FUT9: variants seen among roughly 807,000 people sequenced by gnomAD.
The protein encoded by FUT9 is fucosyltransferase 9.
Under a neutral mutation model 29.7 loss-of-function variants are expected in FUT9, and 15 were observed. The ratio of observed to expected loss-of-function variants is 0.51; its 90% CI spans 0.34 to 0.78. The LOEUF (loss-of-function observed/expected upper bound fraction) is 0.78. FUT9 is among the 30% of genes least tolerant of loss of function. The pLI is 0.01. For missense variants in FUT9, 319 were observed against 425.4 expected, an observed-to-expected ratio of 0.75 and a Z score of 2.20; for synonymous variants, 169 against 153.7, an observed-to-expected ratio of 1.10 and a Z score of -0.74.
intron 1 of FUT9, among the ~76,000 whole-genome samples, chr6:96,113,273 C>G (rs938153747): frequency 6.6e-5 from 10 of 151,978 alleles, no homozygotes; most frequent in African/African-American, 2.4e-4. Context: ...GAGTCTTGCT[C>G]TGTCACTGAG....
At chr6:96,201,611 C>T (rs1582306962) in intron 2 of FUT9, among the ~76,000 whole-genome samples, 1 of 151,922 alleles carries the variant, frequency 6.6e-6, no homozygotes, top group Admixed American at 6.6e-5. Context: ...CTTGTAGAAC[C>T]TTCAGTGTCA....
intron 2 of FUT9, among the ~76,000 whole-genome samples, chr6:96,178,664 T>G (rs765278674): frequency 9.9e-5 from 15 of 152,196 alleles, no homozygotes; most frequent in Non-Finnish European, 1.5e-4. Flanking sequence ...AGGCTTTGAA[T>G]AATCCATCAT....
intron 1 of FUT9, among the ~76,000 whole-genome samples, chr6:96,072,505 A>C (rs1206964787): frequency 2.6e-5 from 4 of 152,122 alleles, no homozygotes; most frequent in African/African-American, 9.7e-5. Flanking sequence ...AAAACAAAAC[A>C]AGGGAGAGGA....
chr6:96,174,816 T>G (rs1415634763), intron 2 of FUT9, among the ~76,000 whole-genome samples: 1 of 152,112 alleles, frequency 6.6e-6, no homozygotes, highest in African/African-American at 2.4e-5. Flanking sequence ...ACTCAAAGAC[T>G]TTTTCAATAC....
intron 1 of FUT9, among the ~76,000 whole-genome samples, chr6:96,107,389 T>C (rs1343642136): frequency 6.6e-6 from 1 of 152,180 alleles, no homozygotes; most frequent in Non-Finnish European, 1.5e-5. Context: ...TACGATATAC[T>C]GTCTCTCTAT....
At chr6:96,109,584 G>T (rs563410221) in intron 1 of FUT9, among the ~76,000 whole-genome samples, 1 of 152,230 alleles carries the variant, frequency 6.6e-6, no homozygotes, top group Non-Finnish European at 1.5e-5. Flanking sequence ...CCATACTAAT[G>T]AATTGGATTT....
chr6:96,063,433 C>A (rs114698425), intron 1 of FUT9, among the ~76,000 whole-genome samples: 442 of 152,162 alleles, frequency 2.9e-3, no homozygotes, highest in African/African-American at 9.1e-3. Context: ...GGGGGGCACA[C>A]TTTACAACAA....
chr6:96,097,596 T>C (rs1370195314), intron 1 of FUT9, among the ~76,000 whole-genome samples: 1 of 145,910 alleles, frequency 6.9e-6, no homozygotes, highest in Non-Finnish European at 1.5e-5. Flanking sequence ...GTAAAAACTG[T>C]TGATCGATAA....
chr6:96,161,387 T>C (rs947686966), intron 2 of FUT9, among the ~76,000 whole-genome samples: 1 of 152,196 alleles, frequency 6.6e-6, no homozygotes, highest in Non-Finnish European at 1.5e-5. Context: ...ACCTTAATCT[T>C]GGACTTTCCA....
intron 2 of FUT9, among the ~76,000 whole-genome samples, chr6:96,191,819 C>A (rs748956741): frequency 4.6e-5 from 7 of 152,118 alleles, no homozygotes; most frequent in Non-Finnish European, 8.8e-5. Flanking sequence ...TACTGGCAAA[C>A]CGAATCCAGC....
At chr6:96,057,809 A>C (rs1770798188) in intron 1 of FUT9, among the ~76,000 whole-genome samples, 1 of 152,208 alleles carries the variant, frequency 6.6e-6, no homozygotes, top group African/African-American at 2.4e-5. Flanking sequence ...TTGATACCTA[A>C]ATGATATAAC....
rs541212024 is a variant in FUT9 at position 96,138,966 on chromosome 6, A to G, written c.-9+24839A>G. Among the ~76,000 whole-genome samples, 12 of 152,308 alleles carry G rather than the reference A, an allele frequency of 7.9e-5. No homozygotes were observed. In the South Asian group the frequency reaches 2.5e-3, roughly 32 times the overall value. On this transcript the variant is annotated intron_variant, in intron 2 of 2. Transcript: ENST00000302103. ...ATATCAACTACTTATTGATTGCCTTAAATACAGATAATGCAAATCTCAATT... is the reference window on the plus strand; with the variant it reads ...ATATCAACTACTTATTGATTGCCTTGAATACAGATAATGCAAATCTCAATT...
rs1484319047 is a variant in FUT9, at chr6:96,210,017, C to T, written c.*5782C>T. 6.0e-6 allele frequency: 1 copy of T among 166,794 alleles called. No homozygotes were observed. The highest frequency in any genetic ancestry group is 2.4e-5 in the African/African-American group (1 of 41,430). The allele number at this position is 166,794 out of a possible 1,614,324, so 10.3% of individuals were successfully genotyped here. A position where few individuals can be genotyped will look rare whatever the true frequency, so the allele number is the denominator to read the frequency against. On this transcript the variant is annotated 3_prime_UTR_variant, in exon 3 of 3. Coordinates refer to ENST00000302103, the MANE Select transcript of FUT9 (RefSeq NM_006581.4). ...CATATGCCTTTGAAACTTCCTAGAT[C>T]ATCTACATAAAAATCATTTGAAATA...
rs188684663 is a variant in FUT9, at chr6:96,143,698, A to G, written c.-9+29571A>G. Among the ~76,000 whole-genome samples the G allele has an allele frequency of 2.6e-3, 400 of 152,288 alleles. 1 individual carries two copies. Among genetic ancestry groups the G allele is most frequent in the African/African-American group, 8.9e-3 (371 of 41,548 alleles). ...CTGTTTACTACCAGTATTTGTCCAA[A>G]AAGATTATTTTAAAATATAAAAATA... On this transcript the variant is annotated intron_variant, in intron 2 of 2. Transcript: ENST00000302103.
At chr6:96,052,418 C>T (rs750727556) in intron 1 of FUT9, among the ~76,000 whole-genome samples, 20 of 152,154 alleles carry the variant, frequency 1.3e-4, no homozygotes, top group Non-Finnish European at 2.4e-4. Context: ...TGCTGAGTTC[C>T]CTGCATTTTA....
At chr6:96,164,597 T>C (rs1211116177) in intron 2 of FUT9, among the ~76,000 whole-genome samples, 1 of 152,178 alleles carries the variant, frequency 6.6e-6, no homozygotes, top group South Asian at 2.1e-4. Flanking sequence ...AAGCTTCTTA[T>C]CAGACCTGAA....
At chr6:96,110,920 C>T (rs1426074012) in intron 1 of FUT9, among the ~76,000 whole-genome samples, 1 of 152,020 alleles carries the variant, frequency 6.6e-6, no homozygotes, top group African/African-American at 2.4e-5. Context: ...GCCTGGGCCT[C>T]CCAAAGTACT....
rs1382167111 is a variant in FUT9, at chr6:96,209,520, A to G, written c.*5285A>G. The G allele has an allele frequency of 6.0e-6, 1 of 166,874 alleles. No individual in the cohort carries two copies. Among genetic ancestry groups the G allele is most frequent in the Non-Finnish European group, 1.5e-5 (1 of 68,036 alleles). The allele number at this position is 166,874 out of a possible 1,614,324, so 10.3% of individuals were successfully genotyped here. On this transcript the variant is annotated 3_prime_UTR_variant, in exon 3 of 3. Transcript: ENST00000302103. The stretch of plus-strand genomic sequence containing the variant: ...TTTGAAATATTTTAGAGTTTTCTGT[A>G]CTATTCAAACTCTTATTACAAAAAT...
intron 1 of FUT9, among the ~76,000 whole-genome samples, chr6:96,031,708 C>T (rs1050596139): frequency 6.6e-6 from 1 of 151,508 alleles, no homozygotes; most frequent in South Asian, 2.1e-4. Context: ...TTGATTAGTA[C>T]ATTTTGAAGA....
Sources: gnomAD v4.1 joint callset for allele counts (sites outside exome capture counted in the v4.1 genomes callset) on GRCh38, gnomAD v4.1.1 for gene constraint, MANE v1.5 for transcripts, NCBI Gene and HGNC (gene_info 2026-07-23, HGNC 2026-07-21) for gene names.